Variants in CFAP58 observed in about 807,000 individuals in gnomAD.
CFAP58 encodes cilia- and flagella-associated protein 58.
A neutral mutation model predicts 119.5 loss-of-function variants in CFAP58; 88 were observed. That is an observed-to-expected ratio of 0.74 (90% CI 0.62 to 0.88). The LOEUF (loss-of-function observed/expected upper bound fraction) is 0.88. Ranked by LOEUF, CFAP58 falls within the 40% of genes least tolerant of loss-of-function variation. The probability of loss-of-function intolerance (pLI) is 0.00; values close to 1 mark genes in which losing one functional copy is unlikely to be tolerated. For synonymous variants in CFAP58, 365 were observed against 366.3 expected (o/e 1.00, Z 0.04); for missense variants, 990 against 1,021.2 (o/e 0.97, Z 0.42).
At chr10:104,344,569 T>C in the CFAP58 span, among the ~76,000 whole-genome samples, 1 of 151,102 alleles carries the variant, frequency 6.6e-6, no homozygotes, top group Non-Finnish European at 1.5e-5. Context: ...GTCCTCAGGA[T>C]ACTTCTATTT....
chr10:104,357,844 TGTAC>T lies in CFAP58; in HGVS notation c.10-496_10-493del, dbSNP rs1479102943. On this transcript the variant is annotated intron_variant, in intron 1 of 17. Coordinates refer to ENST00000369704, the MANE Select transcript of CFAP58 (RefSeq NM_001008723.2). ...ATATATACACATATATGTACACATA[TGTAC>T]ACATATATACACATATATACACATA... is the stretch of plus-strand genomic sequence containing the variant. Among the ~76,000 whole-genome samples the T allele has an allele frequency of 2.0e-4, 14 of 71,586 alleles. 1 individual carries two copies. Among genetic ancestry groups the T allele is most frequent in the African/African-American group, 1.0e-3 (12 of 11,478 alleles). 47.0% of individuals were successfully genotyped at this position (71,586 alleles called of 152,430 possible). A position where few individuals can be genotyped will look rare whatever the true frequency, so the allele number is the denominator to read the frequency against.
intron 15 of CFAP58, among the ~76,000 whole-genome samples, chr10:104,411,103 C>A (rs1037839678): frequency 3.9e-5 from 6 of 151,986 alleles, no homozygotes; most frequent in African/African-American, 1.4e-4. Flanking sequence ...CAACGCCCAG[C>A]TAATTTTTGT....
At chr10:104,368,873 C>T (rs1024843141) in intron 6 of CFAP58, among the ~76,000 whole-genome samples, 3 of 152,272 alleles carry the variant, frequency 2.0e-5, no homozygotes, top group Non-Finnish European at 4.4e-5. Context: ...TCCATTCACA[C>T]GTGTGAACAG....
chr10:104,400,804 A>C lies in CFAP58; in HGVS notation c.1940A>C (p.Gln647Pro). The C allele has an allele frequency of 6.2e-7, 1 of 1,614,150 alleles. No individual in the cohort carries two copies. The highest frequency in any genetic ancestry group is 1.1e-5 in the South Asian group (1 of 91,080). Reference sequence around the variant, plus strand: ...AATAAAGGGGAGAGCCAGTACAACCAGAGGTTGGAGGACATGAGAATCCTC... The same window carrying C: ...AATAAAGGGGAGAGCCAGTACAACCCGAGGTTGGAGGACATGAGAATCCTC... Reference protein sequence around the residue: ...VLNKGESQYNQRLEDMRILRL... With the variant: ...VLNKGESQYNPRLEDMRILRL... Residue 647 changes from glutamine (Q) to proline (P), a missense_variant, in exon 13 of 18, where the codon CAG (glutamine) becomes CCG (proline). Gln to Pro is a moderately conservative substitution (Grantham distance 76). Coordinates refer to ENST00000369704, the MANE Select transcript of CFAP58 (RefSeq NM_001008723.2).
intron 11 of CFAP58, among the ~76,000 whole-genome samples, chr10:104,397,734 G>T (rs1207520623): frequency 4.6e-5 from 7 of 152,198 alleles, no homozygotes; most frequent in African/African-American, 1.7e-4. Flanking sequence ...CCAGCATGGG[G>T]GAAAGCAGAG....
At chr10:104,395,087 G>A (rs1386963413) in intron 11 of CFAP58, among the ~76,000 whole-genome samples, 1 of 152,154 alleles carries the variant, frequency 6.6e-6, no homozygotes, top group African/African-American at 2.4e-5. Flanking sequence ...GGTCCAAGTT[G>A]GAACTAATGT....
At chr10:104,351,638 A>T (rs2014460620), upstream of CFAP58, 1 of 152,208 alleles carries the variant, frequency 6.6e-6, no homozygotes, top group South Asian at 2.1e-4. Flanking sequence ...ATATAGTTAG[A>T]TCCCTATCTC....
At chr10:104,345,526 G>A in the CFAP58 span, among the ~76,000 whole-genome samples, 1 of 152,040 alleles carries the variant, frequency 6.6e-6, no homozygotes, top group Non-Finnish European at 1.5e-5. Flanking sequence ...ATTGTATCTT[G>A]CATTCATTCA....
At chr10:104,416,448 T>G (rs548485622) in intron 15 of CFAP58, among the ~76,000 whole-genome samples, 13 of 152,244 alleles carry the variant, frequency 8.5e-5, no homozygotes, top group Admixed American at 6.5e-4. Flanking sequence ...AAGGTGAACT[T>G]TCTCTATAAT....
intron 15 of CFAP58, among the ~76,000 whole-genome samples, chr10:104,431,915 G>T (rs552985352): frequency 5.3e-4 from 80 of 152,088 alleles, no homozygotes; most frequent in Non-Finnish European, 1.1e-3. Context: ...ACACATCAAA[G>T]ATAAAAATAA....
intron 15 of CFAP58, among the ~76,000 whole-genome samples, chr10:104,430,486 A>G (rs2012827542): frequency 6.6e-6 from 1 of 152,242 alleles, no homozygotes; most frequent in East Asian, 1.9e-4. Context: ...TTTCTATTAC[A>G]GAGCTTAATA....
chr10:104,453,640 G>A (rs1233604424), intron 17 of CFAP58, among the ~76,000 whole-genome samples: 1 of 152,054 alleles, frequency 6.6e-6, no homozygotes, highest in Non-Finnish European at 1.5e-5. Flanking sequence ...ATTGGTTTTG[G>A]TCTTAGCAGT....
At chr10:104,438,355 TTTTTTGTTTTTTTTTTTTG>T (rs1564904810) in intron 15 of CFAP58, among the ~76,000 whole-genome samples, 16 of 38,854 alleles carry the variant, frequency 4.1e-4, no homozygotes, top group African/African-American at 2.2e-3. Context: ...TTTGTTTTTT[TTTTTTGTTTTTTTTTTTTG>T]TTTTTTTTTT....
chr10:104,369,913 G>GCT (rs1393429191), intron 6 of CFAP58, among the ~76,000 whole-genome samples: 3 of 152,192 alleles, frequency 2.0e-5, no homozygotes, highest in Admixed American at 2.0e-4. Context: ...AATCTGGAAA[G>GCT]CTTGAAGTCT....
At chr10:104,390,973 T>A (rs2012028181) in intron 9 of CFAP58, among the ~76,000 whole-genome samples, 2 of 152,154 alleles carry the variant, frequency 1.3e-5, no homozygotes, top group African/African-American at 2.4e-5. Context: ...TGTAAAAAAA[T>A]TTTGAAAGGT....
intron 15 of CFAP58, among the ~76,000 whole-genome samples, chr10:104,407,691 ATAAT>A (rs1035055049): frequency 1.3e-5 from 2 of 152,254 alleles, no homozygotes; most frequent in Admixed American, 6.5e-5. Flanking sequence ...TCCAAAACCC[ATAAT>A]TAATTAATTA....
intron 15 of CFAP58, among the ~76,000 whole-genome samples, chr10:104,441,169 A>G (rs999931890): frequency 1.3e-5 from 2 of 152,110 alleles, no homozygotes; most frequent in African/African-American, 4.8e-5. Context: ...TGCCCAGCTA[A>G]TTTTTGTATT....
chr10:104,421,220 T>C (rs2012652685), intron 15 of CFAP58, among the ~76,000 whole-genome samples: 1 of 152,200 alleles, frequency 6.6e-6, no homozygotes, highest in South Asian at 2.1e-4. Context: ...TGTAGAAGCA[T>C]ACACCTTCTA....
intron 1 of CFAP58, 102 bp from the exon 2 acceptor site, chr10:104,358,239 C>A: frequency 8.2e-7 from 1 of 1,223,364 alleles, no homozygotes; most frequent in Non-Finnish European, 1.1e-6. Flanking sequence ...TTTAATTTTG[C>A]TCATATGGAG....
Sources: gnomAD v4.1 joint callset for allele counts (sites outside exome capture counted in the v4.1 genomes callset) on GRCh38, gnomAD v4.1.1 for gene constraint, MANE v1.5 for transcripts, NCBI Gene and HGNC (gene_info 2026-07-23, HGNC 2026-07-21) for gene names.